The following SLC44A5 variants were observed in gnomAD, a reference collection of about 807,000 sequenced individuals.
The protein encoded by SLC44A5 is solute carrier family 44 member 5, also known as choline transporter-like protein 5.
In SLC44A5, 57 loss-of-function variants were observed where a neutral mutation model predicts 101.8. That is an observed-to-expected ratio of 0.56 (90% confidence interval 0.45 to 0.70). The LOEUF (loss-of-function observed/expected upper bound fraction) is 0.70, where lower values mean the gene tolerates loss of function less well. Among genes scored for constraint, SLC44A5 ranks in the 30% least tolerant of loss-of-function variants. The pLI is 0.00. For synonymous variants in SLC44A5, 281 were observed against 290.9 expected (o/e 0.97, Z 0.35); for missense variants, 737 against 853.1 (o/e 0.86, Z 1.70).
At chr1:75,313,725 G>T (rs1016358562) in intron 4 of SLC44A5, among the ~76,000 whole-genome samples, 3 of 152,016 alleles carry the variant, frequency 2.0e-5, no homozygotes, top group Non-Finnish European at 4.4e-5. Flanking sequence ...ACAAAACCAA[G>T]ATAGAAATAA....
chr1:75,394,614 T>A (rs781193288), intron 3 of SLC44A5, among the ~76,000 whole-genome samples: 10 of 152,108 alleles, frequency 6.6e-5, no homozygotes, highest in Non-Finnish European at 1.3e-4. Context: ...AGCCACTGGC[T>A]TTGGTGGGCC....
chr1:75,514,848 G>A (rs573424288), intron 2 of SLC44A5, among the ~76,000 whole-genome samples: 1 of 152,288 alleles, frequency 6.6e-6, no homozygotes, highest in South Asian at 2.1e-4. Flanking sequence ...TACAGAAACT[G>A]TAATTTTATC....
At chr1:75,218,925 T>C (rs1011302395) in intron 16 of SLC44A5, among the ~76,000 whole-genome samples, 173 bp from the exon 17 acceptor site, 10 of 152,188 alleles carry the variant, frequency 6.6e-5, no homozygotes, top group Non-Finnish European at 1.3e-4. Context: ...TAATGAGTGC[T>C]GGAAAGTATC....
chr1:75,257,084 G>C (rs919194585), intron 6 of SLC44A5, among the ~76,000 whole-genome samples: 3 of 152,140 alleles, frequency 2.0e-5, no homozygotes, highest in Non-Finnish European at 4.4e-5. Context: ...AAAAGTCCTA[G>C]AATGAGAGAC....
intron 6 of SLC44A5, among the ~76,000 whole-genome samples, chr1:75,260,874 TC>T (rs1650440527): frequency 6.6e-6 from 1 of 152,084 alleles, no homozygotes; most frequent in South Asian, 2.1e-4. Context: ...AGAAACTCAC[TC>T]AAAACTGCAG....
intron 4 of SLC44A5, among the ~76,000 whole-genome samples, chr1:75,338,942 A>G (rs550171510): frequency 1.3e-5 from 2 of 152,292 alleles, no homozygotes; most frequent in East Asian, 3.9e-4. Context: ...TTACCTCACA[A>G]TCCCCTTTGT....
At chr1:75,302,112 G>GTTTT (rs10684140) in intron 4 of SLC44A5, among the ~76,000 whole-genome samples, 3,532 of 60,140 alleles carry the variant, frequency 0.059, 535 homozygotes, top group Middle Eastern at 0.1. Flanking sequence ...TAGTTTTTTT[G>GTTTT]TTTTTTTTTT....
At chr1:75,449,348 C>A (rs943624524) in intron 2 of SLC44A5, among the ~76,000 whole-genome samples, 2 of 152,136 alleles carry the variant, frequency 1.3e-5, no homozygotes. Context: ...CAGTGAAGAA[C>A]CTCAAATTAC....
intron 1 of SLC44A5, among the ~76,000 whole-genome samples, chr1:75,570,594 G>A (rs936735999): frequency 9.2e-5 from 14 of 152,012 alleles, no homozygotes; most frequent in African/African-American, 2.9e-4. Context: ...CAGTTTTTGT[G>A]GTTTTAAAGC....
chr1:75,417,234 C>A (rs981011125), intron 2 of SLC44A5, among the ~76,000 whole-genome samples: 69 of 152,100 alleles, frequency 4.5e-4, no homozygotes, highest in African/African-American at 1.6e-3. Flanking sequence ...ATGGGACTCA[C>A]GAGATCTGAT....
At chr1:75,664,718 G>T in the SLC44A5 span, among the ~76,000 whole-genome samples, 2 of 151,964 alleles carry the variant, frequency 1.3e-5, no homozygotes, top group African/African-American at 4.8e-5. Flanking sequence ...TCAGGAGATC[G>T]AGACTATCCT....
rs116490151 is a variant in SLC44A5 at position 75,398,811 on chromosome 1, C to T, written c.14-2190G>A. Among the ~76,000 whole-genome samples, 27 of 152,134 alleles carry T rather than the reference C, an allele frequency of 1.8e-4. No homozygotes were observed. In the East Asian group the frequency reaches 3.9e-3, roughly 22 times the overall value. ...TTCAAAACTTGTTTAGGAGAACATT[C>T]GTATCTTATGTAGGCTGCCTTCTGG... On this transcript the variant is annotated intron_variant, in intron 2 of 23. Transcript: ENST00000370859.
At chr1:75,540,181 G>A (rs913331107) in intron 2 of SLC44A5, among the ~76,000 whole-genome samples, 1 of 152,056 alleles carries the variant, frequency 6.6e-6, no homozygotes, top group Non-Finnish European at 1.5e-5. Flanking sequence ...CATTTATTGA[G>A]CATATATGTA....
At chr1:75,204,106 A>G (rs1414541681) in intron 23 of SLC44A5, among the ~76,000 whole-genome samples, 1 of 152,218 alleles carries the variant, frequency 6.6e-6, no homozygotes, top group Non-Finnish European at 1.5e-5. Flanking sequence ...CAGTTGCATG[A>G]TTGAGAAAAT....
chr1:75,704,743 A>C, the SLC44A5 span, among the ~76,000 whole-genome samples: 6 of 152,332 alleles, frequency 3.9e-5, no homozygotes, highest in Non-Finnish European at 7.3e-5. Context: ...CTATGTAGAC[A>C]ATGATATCAT....
intron 7 of SLC44A5, among the ~76,000 whole-genome samples, chr1:75,246,092 A>C (rs1262583671): frequency 6.6e-6 from 1 of 152,144 alleles, no homozygotes; most frequent in Non-Finnish European, 1.5e-5. Flanking sequence ...ATTCTGACTC[A>C]GTTCTGATTC....
the SLC44A5 span, among the ~76,000 whole-genome samples, chr1:75,688,920 G>T: frequency 1.3e-5 from 2 of 152,110 alleles, no homozygotes; most frequent in Admixed American, 6.6e-5. Context: ...CATTAATGAG[G>T]CTGTAATTCC....
At chr1:75,327,303 G>A (rs141309068) in intron 4 of SLC44A5, among the ~76,000 whole-genome samples, 2 of 152,278 alleles carry the variant, frequency 1.3e-5, no homozygotes, top group East Asian at 1.9e-4. Flanking sequence ...GTAAACTGAT[G>A]TCTATGCTGG....
At chr1:75,243,261 T>C (rs1648809333) in intron 7 of SLC44A5, among the ~76,000 whole-genome samples, 1 of 151,980 alleles carries the variant, frequency 6.6e-6, no homozygotes. Context: ...TTCAGCCCTT[T>C]GAGTAGCTGA....
Sources: gnomAD v4.1 joint callset for allele counts (sites outside exome capture counted in the v4.1 genomes callset) on GRCh38, gnomAD v4.1.1 for gene constraint, MANE v1.5 for transcripts, NCBI Gene and HGNC (gene_info 2026-07-23, HGNC 2026-07-21) for gene names.